The following PDE3B variants were observed in gnomAD, a reference collection of about 807,000 sequenced individuals.
PDE3B encodes cGMP-inhibited 3',5'-cyclic phosphodiesterase 3B.
Under a neutral mutation model 116.8 loss-of-function variants are expected in PDE3B, and 66 were observed. The ratio of observed to expected loss-of-function variants is 0.56; its 90% CI spans 0.46 to 0.69. The LOEUF is 0.69. Among genes scored for constraint, PDE3B ranks in the 30% least tolerant of loss-of-function variants. PDE3B has a pLI of 0.00. For synonymous variants in PDE3B, 595 were observed against 533.6 expected (o/e 1.12, Z -1.59); for missense variants, 1,384 against 1,368.1 (o/e 1.01, Z -0.18).
At chr11:14,812,589 A>T (rs1448418350) in intron 5 of PDE3B, among the ~76,000 whole-genome samples, 1 of 152,190 alleles carries the variant, frequency 6.6e-6, no homozygotes, top group Non-Finnish European at 1.5e-5. Context: ...AAAGAAGAAA[A>T]CATGACACTG....
chr11:14,654,787 T>TACACAC (rs59557281), intron 1 of PDE3B, among the ~76,000 whole-genome samples: 1,940 of 142,066 alleles, frequency 0.014, 18 homozygotes, highest in South Asian at 0.019. Context: ...AGCAGCTGTC[T>TACACAC]ACACACACAC....
rs202226114 is a variant in PDE3B at position 14,838,872 on chromosome 11, C to T, written c.2320+3777C>T. On this transcript the variant is annotated intron_variant, in intron 11 of 15. Transcript: ENST00000282096. ...TCTAACAGTTTGCCTCATGAGTTGT[C>T]TAAAGTATAGGCATCAGATGAAGTA... Among the ~76,000 whole-genome samples the T allele has an allele frequency of 2.0e-5, 3 of 152,232 alleles. No homozygotes were observed. In the East Asian group the frequency reaches 5.8e-4, roughly 29 times the overall value.
At chr11:14,886,087 C>T in the PDE3B span, 1 of 649,600 alleles carries the variant, frequency 1.5e-6, no homozygotes, top group East Asian at 2.8e-5. Flanking sequence ...TTCTATAAGG[C>T]ATGCAAAACT....
the PDE3B span, among the ~76,000 whole-genome samples, chr11:14,892,914 A>G: frequency 6.6e-6 from 1 of 152,222 alleles, no homozygotes; most frequent in East Asian, 1.9e-4. Flanking sequence ...AGTATTTACT[A>G]TTCAAGATTT....
At chr11:14,838,807 T>C (rs1040145008) in intron 11 of PDE3B, among the ~76,000 whole-genome samples, 3 of 152,206 alleles carry the variant, frequency 2.0e-5, no homozygotes, top group Non-Finnish European at 4.4e-5. Context: ...CTACCAGAGA[T>C]TCTGGAGTCA....
intron 7 of PDE3B, among the ~76,000 whole-genome samples, chr11:14,820,010 A>C (rs1859469311): frequency 1.3e-5 from 2 of 152,212 alleles, no homozygotes; most frequent in South Asian, 4.1e-4. Context: ...TTGTATCCTA[A>C]GAAAAAAGTT....
At chr11:14,739,836 C>T (rs1856712794) in intron 1 of PDE3B, among the ~76,000 whole-genome samples, 1 of 152,040 alleles carries the variant, frequency 6.6e-6, no homozygotes, top group Non-Finnish European at 1.5e-5. Flanking sequence ...TTGTCGAAGG[C>T]CTTTTGTGCA....
At chr11:14,801,113 G>A (rs1590156370) in intron 4 of PDE3B, among the ~76,000 whole-genome samples, 1 of 151,980 alleles carries the variant, frequency 6.6e-6, no homozygotes, top group Admixed American at 6.6e-5. Flanking sequence ...CCTTTAGCTC[G>A]GATTAGTTTG....
At chr11:14,834,794 A>C (rs1394478700) in intron 10 of PDE3B, among the ~76,000 whole-genome samples, 188 bp from the exon 11 acceptor site, 1 of 152,216 alleles carries the variant, frequency 6.6e-6, no homozygotes, top group Non-Finnish European at 1.5e-5. Flanking sequence ...ATGTTTTCAT[A>C]GTATATGGGA....
At chr11:14,856,692 A>G (rs1469395589) in intron 12 of PDE3B, among the ~76,000 whole-genome samples, 4 of 152,070 alleles carry the variant, frequency 2.6e-5, no homozygotes, top group Non-Finnish European at 5.9e-5. Flanking sequence ...ACTCTACTAA[A>G]AAACACAGAA....
rs571607410 is a variant in PDE3B at position 14,811,459 on chromosome 11, C to T, written c.1523-6724C>T. Among the ~76,000 whole-genome samples, 81 of 152,202 alleles carry T rather than the reference C, an allele frequency of 5.3e-4. 1 individual carries two copies. Among genetic ancestry groups the T allele is most frequent in the African/African-American group, 1.9e-3 (80 of 41,534 alleles). The stretch of plus-strand genomic sequence containing the variant: ...CATTGCTTGTTTTTCTCAGGTTTGT[C>T]AAAGATCAGATAGTTGTAGATATGC... On this transcript the variant is annotated intron_variant, in intron 5 of 15. Transcript: ENST00000282096.
At chr11:14,855,054 A>G (rs1847823847) in intron 12 of PDE3B, among the ~76,000 whole-genome samples, 1 of 152,240 alleles carries the variant, frequency 6.6e-6, no homozygotes, top group South Asian at 2.1e-4. Flanking sequence ...TTAGGCTCTT[A>G]GAAACTAAAA....
In PDE3B at chr11:14,815,938, T is replaced by TACACACACAC. The variant is rs35596025; in HGVS notation, c.1523-2222_1523-2213dup. The stretch of plus-strand genomic sequence containing the variant: ...CAAAAGATAAAGAACATTATATTTA[T>TACACACACAC]ACACACACACACACACACACACACA... On this transcript the variant is annotated intron_variant, in intron 5 of 15. Transcript: ENST00000282096. Among the ~76,000 whole-genome samples the TACACACACAC allele has an allele frequency of 2.2e-3, 315 of 146,228 alleles. 1 individual carries two copies. Among genetic ancestry groups the TACACACACAC allele is most frequent in the African/African-American group, 4.9e-3 (196 of 40,034 alleles).
At chr11:14,884,347 A>G in the PDE3B span, among the ~76,000 whole-genome samples, 2 of 152,064 alleles carry the variant, frequency 1.3e-5, no homozygotes, top group Non-Finnish European at 2.9e-5. Context: ...AATACTATGC[A>G]GCCATAAAAA....
intron 1 of PDE3B, among the ~76,000 whole-genome samples, chr11:14,657,976 A>G (rs1373723788): frequency 2.0e-5 from 3 of 152,164 alleles, no homozygotes; most frequent in Non-Finnish European, 4.4e-5. Flanking sequence ...CAAACCCCAG[A>G]GTTAAACAGA....
rs144555410 is a variant in PDE3B at position 14,802,759 on chromosome 11, G to A, written c.1416-1185G>A. On this transcript the variant is annotated intron_variant, in intron 4 of 15. Coordinates refer to ENST00000282096, the MANE Select transcript of PDE3B (RefSeq NM_000922.4). ...TTAAAAGAGTTTATTCAAACACAAA[G>A]CTGTGGATGCCCATCCAGGAAACAC... 1.4e-3 allele frequency among the ~76,000 whole-genome samples: 218 copies of A among 152,264 alleles called. 2 individuals carry two copies. The highest frequency in any genetic ancestry group is 2.3e-3 in the Non-Finnish European group (159 of 68,008).
chr11:14,801,615 G>T (rs1175746111), intron 4 of PDE3B, among the ~76,000 whole-genome samples: 1 of 152,200 alleles, frequency 6.6e-6, no homozygotes, highest in African/African-American at 2.4e-5. Flanking sequence ...TGGGGGTCAG[G>T]GACCCACTTG....
chr11:14,805,368 A>G (rs887424332), intron 5 of PDE3B, among the ~76,000 whole-genome samples: 2 of 152,256 alleles, frequency 1.3e-5, no homozygotes, highest in Admixed American at 1.3e-4. Context: ...ACTTGACAGC[A>G]TAGAATTCTT....
At chr11:14,845,710 G>A (rs1025131515) in intron 12 of PDE3B, among the ~76,000 whole-genome samples, 13 of 152,304 alleles carry the variant, frequency 8.5e-5, no homozygotes, top group East Asian at 1.9e-4. Flanking sequence ...CTCAGGAGCC[G>A]ATGTGATCAA....
Sources: gnomAD v4.1 joint callset for allele counts (sites outside exome capture counted in the v4.1 genomes callset) on GRCh38, gnomAD v4.1.1 for gene constraint, MANE v1.5 for transcripts, NCBI Gene and HGNC (gene_info 2026-07-23, HGNC 2026-07-21) for gene names.